Variants in CHLSN observed in about 807,000 individuals in gnomAD.
CHLSN encodes cholesin.
At chr7:984,384 C>T in the CHLSN span, 2 of 1,542,274 alleles carry the variant, frequency 1.3e-6, no homozygotes, top group South Asian at 1.2e-5. Context: ...GTGAGGGCTG[C>T]CCGGGTGACC....
the CHLSN span, among the ~76,000 whole-genome samples, chr7:1,113,936 G>T: frequency 6.6e-6 from 1 of 152,212 alleles, no homozygotes; most frequent in South Asian, 2.1e-4. Context: ...GAATGGAGAG[G>T]CCCGAGCTCA....
At chr7:1,108,431 C>T in the CHLSN span, among the ~76,000 whole-genome samples, 1 of 151,962 alleles carries the variant, frequency 6.6e-6, no homozygotes, top group Non-Finnish European at 1.5e-5. Context: ...CTCTCCTTGG[C>T]GGGCCCTGTG....
chr7:1,076,915 G>A, the CHLSN span, among the ~76,000 whole-genome samples: 2 of 152,348 alleles, frequency 1.3e-5, no homozygotes, highest in East Asian at 1.9e-4. Context: ...GGTGGTCAGC[G>A]AGGGGCTGGC....
At chr7:1,085,237 T>G in the CHLSN span, among the ~76,000 whole-genome samples, 1 of 152,264 alleles carries the variant, frequency 6.6e-6, no homozygotes, top group Non-Finnish European at 1.5e-5. Context: ...AGTTCTTTCC[T>G]TTTATTCTAT....
the CHLSN span, among the ~76,000 whole-genome samples, chr7:1,051,216 C>T: frequency 6.6e-6 from 1 of 152,236 alleles, no homozygotes; most frequent in South Asian, 2.1e-4. Context: ...GGGCGCCAGC[C>T]TCCCATGAAC....
chr7:1,046,240 G>A, the CHLSN span, among the ~76,000 whole-genome samples: 2 of 152,194 alleles, frequency 1.3e-5, no homozygotes, highest in African/African-American at 4.8e-5. Flanking sequence ...ATGTCACCTG[G>A]AATCCTGAAA....
chr7:1,106,318 C>A, the CHLSN span, among the ~76,000 whole-genome samples: 1 of 152,196 alleles, frequency 6.6e-6, no homozygotes, highest in Non-Finnish European at 1.5e-5. Flanking sequence ...ATCAGAGGGC[C>A]ATCCAGACCC....
chr7:1,042,363 G>A, the CHLSN span, among the ~76,000 whole-genome samples: 4 of 152,200 alleles, frequency 2.6e-5, no homozygotes, highest in Admixed American at 2.6e-4. Context: ...GGGTGCAACC[G>A]CGAAGCTGAG....
At chr7:1,127,384 A>G in the CHLSN span, 11 of 1,603,428 alleles carry the variant, frequency 6.9e-6, no homozygotes, top group Admixed American at 3.4e-5. Flanking sequence ...CTGTTTTGCC[A>G]TCCTGCAACA....
At chr7:1,000,169 C>T in the CHLSN span, among the ~76,000 whole-genome samples, 1 of 152,196 alleles carries the variant, frequency 6.6e-6, no homozygotes, top group Non-Finnish European at 1.5e-5. Flanking sequence ...ACCTGCCCTG[C>T]AGTGGGGCCC....
the CHLSN span, chr7:1,026,218 C>G: frequency 6.6e-6 from 1 of 152,298 alleles, no homozygotes; most frequent in African/African-American, 2.4e-5. Context: ...TGGACGCTGT[C>G]TAACGATTCA....
At chr7:1,113,399 G>A in the CHLSN span, among the ~76,000 whole-genome samples, 1 of 152,218 alleles carries the variant, frequency 6.6e-6, no homozygotes, top group South Asian at 2.1e-4. Flanking sequence ...GGCAGCAGCA[G>A]CTGCTCCTGT....
chr7:1,085,705 G>A, the CHLSN span, among the ~76,000 whole-genome samples: 272 of 151,074 alleles, frequency 1.8e-3, 11 homozygotes, highest in East Asian at 0.033. Flanking sequence ...TTAGCGGCTC[G>A]CATCTGTAGT....
At chr7:1,057,660 G>A in the CHLSN span, 1 of 771,698 alleles carries the variant, frequency 1.3e-6, no homozygotes, top group South Asian at 1.4e-5. Flanking sequence ...CGCCCTGCTG[G>A]TGCTGGCCAA....
At chr7:1,114,493 C>A in the CHLSN span, among the ~76,000 whole-genome samples, 1 of 152,242 alleles carries the variant, frequency 6.6e-6, no homozygotes, top group African/African-American at 2.4e-5. Flanking sequence ...CTGGTCAAGT[C>A]CCCGGCAGCC....
the CHLSN span, among the ~76,000 whole-genome samples, chr7:1,118,683 G>A: frequency 6.6e-6 from 1 of 151,578 alleles, no homozygotes; most frequent in African/African-American, 2.4e-5. Context: ...TCTTATGGCC[G>A]GGAAAGGTGG....
chr7:1,006,213 C>T, the CHLSN span, among the ~76,000 whole-genome samples: 1 of 152,216 alleles, frequency 6.6e-6, no homozygotes, highest in South Asian at 2.1e-4. Context: ...GCCAGAGCAA[C>T]ACGGCTCTGA....
At chr7:986,105 C>T in the CHLSN span, among the ~76,000 whole-genome samples, 2,664 of 152,310 alleles carry the variant, frequency 0.017, 40 homozygotes, top group Non-Finnish European at 0.027. Flanking sequence ...CTGCTGGTGC[C>T]AGCTCCTTAC....
At chr7:1,041,201 G>A in the CHLSN span, among the ~76,000 whole-genome samples, 3 of 152,352 alleles carry the variant, frequency 2.0e-5, no homozygotes, top group South Asian at 2.1e-4. Flanking sequence ...CTTGGGCTCC[G>A]CACTGCAGGG....
Sources: gnomAD v4.1 joint callset for allele counts (sites outside exome capture counted in the v4.1 genomes callset) on GRCh38, gnomAD v4.1.1 for gene constraint, MANE v1.5 for transcripts, NCBI Gene and HGNC (gene_info 2026-07-23, HGNC 2026-07-21) for gene names.